Variants in FSTL5 observed in about 807,000 individuals in gnomAD.
The protein encoded by FSTL5 is follistatin like 5, also known as follistatin-related protein 5.
Under a neutral mutation model 89.1 loss-of-function variants are expected in FSTL5, and 62 were observed. The observed-to-expected ratio is 0.70, with a 90% CI of 0.57 to 0.86. The LOEUF (loss-of-function observed/expected upper bound fraction) is 0.86. Ranked by LOEUF, FSTL5 falls within the 40% of genes least tolerant of loss-of-function variation. The pLI is 0.00. For synonymous variants in FSTL5, 383 were observed against 346.2 expected (o/e 1.11, Z -1.18); for missense variants, 1,057 against 1,001.6 (o/e 1.06, Z -0.75).
chr4:161,551,672 A>C (rs1732218376), intron 8 of FSTL5, among the ~76,000 whole-genome samples: 1 of 152,002 alleles, frequency 6.6e-6, no homozygotes, highest in Non-Finnish European at 1.5e-5. Flanking sequence ...AGCCCTCAGA[A>C]ATAATGCCGC....
At chr4:161,523,896 AT>A (rs1731117491) in intron 10 of FSTL5, among the ~76,000 whole-genome samples, 1 of 152,200 alleles carries the variant, frequency 6.6e-6, no homozygotes, top group Non-Finnish European at 1.5e-5. Flanking sequence ...TATGTAAAAA[AT>A]AATTTTTACC....
At chr4:161,768,773 A>C (rs1741107062) in intron 5 of FSTL5, among the ~76,000 whole-genome samples, 1 of 151,866 alleles carries the variant, frequency 6.6e-6, no homozygotes, top group African/African-American at 2.4e-5. Context: ...ATCTTAAAGA[A>C]CTTAATGAAT....
chr4:161,644,387 G>A (rs879678047), intron 7 of FSTL5, among the ~76,000 whole-genome samples: 14 of 152,110 alleles, frequency 9.2e-5, no homozygotes, highest in Admixed American at 2.0e-4. Flanking sequence ...TTAGCTGGGT[G>A]TGGTGGCCCA....
chr4:161,937,147 A>G (rs1734455582), intron 3 of FSTL5, among the ~76,000 whole-genome samples: 1 of 152,158 alleles, frequency 6.6e-6, no homozygotes, highest in African/African-American at 2.4e-5. Context: ...ATACTGTAAA[A>G]ACACAACATA....
chr4:161,585,702 T>C (rs947960092), intron 8 of FSTL5, among the ~76,000 whole-genome samples: 1 of 151,548 alleles, frequency 6.6e-6, no homozygotes, highest in African/African-American at 2.4e-5. Flanking sequence ...AATTTCCCCA[T>C]GGATGCTGCA....
rs989432547 is a variant in FSTL5 at position 162,063,498 on chromosome 4, T to C, written c.127-29840A>G. On this transcript the variant is annotated intron_variant, in intron 2 of 15. Transcript: ENST00000306100. ...TTTGTACTGAAATGAAAGATCATGG[T>C]AAAATCCATTCTTTCAAATCTTATA... Among the ~76,000 whole-genome samples the C allele has an allele frequency of 6.2e-4, 94 of 151,848 alleles. 1 individual carries two copies. Among genetic ancestry groups the C allele is most frequent in the Non-Finnish European group, 1.9e-4 (13 of 67,836 alleles).
chr4:161,642,943 G>A (rs1736016534), intron 7 of FSTL5, among the ~76,000 whole-genome samples: 1 of 151,848 alleles, frequency 6.6e-6, no homozygotes. Flanking sequence ...ATGATGAAGT[G>A]GTAAATTTTA....
At chr4:161,387,695 A>T (rs1199776189) in intron 15 of FSTL5, 2 of 152,058 alleles carry the variant, frequency 1.3e-5, no homozygotes, top group East Asian at 3.8e-4. Context: ...TCTCAAAATC[A>T]GTCCCGTTTT....
rs150397944 is a variant in FSTL5 at position 161,854,401 on chromosome 4, G to A, written c.409+66003C>T. On this transcript the variant is annotated intron_variant, in intron 4 of 15. Coordinates refer to ENST00000306100, the MANE Select transcript of FSTL5 (RefSeq NM_020116.5). ...TATCAGTTATCTCAATGAGTATTGT[G>A]AACTACTGTGAAGTCCCTACATGAT... Among the ~76,000 whole-genome samples, 3 of 152,246 alleles carry A rather than the reference G, an allele frequency of 2.0e-5. No homozygotes were observed. The East Asian group carries it at 5.8e-4, about 29-fold the overall frequency.
chr4:161,561,183 G>C (rs985999372), intron 8 of FSTL5, among the ~76,000 whole-genome samples: 1 of 141,920 alleles, frequency 7.0e-6, no homozygotes, highest in Non-Finnish European at 1.5e-5. Context: ...GTGCATAACT[G>C]TATTTTAGAT....
At chr4:161,661,816 A>C (rs999965563) in intron 6 of FSTL5, among the ~76,000 whole-genome samples, 3 of 152,202 alleles carry the variant, frequency 2.0e-5, no homozygotes, top group Non-Finnish European at 2.9e-5. Flanking sequence ...AATGGACTGG[A>C]TAAATTGGAC....
At chr4:161,417,139 C>T (rs934275512) in intron 15 of FSTL5, among the ~76,000 whole-genome samples, 1 of 152,120 alleles carries the variant, frequency 6.6e-6, no homozygotes, top group South Asian at 2.1e-4. Context: ...GTATGCTATA[C>T]TAAAATCTCT....
chr4:161,928,574 A>G (rs1734193493), intron 3 of FSTL5, among the ~76,000 whole-genome samples: 2 of 151,750 alleles, frequency 1.3e-5, no homozygotes, highest in Non-Finnish European at 2.9e-5. Context: ...TATCCTCATC[A>G]GTAGTTAGTG....
intron 3 of FSTL5, among the ~76,000 whole-genome samples, chr4:161,921,687 A>G (rs1266408350): frequency 1.3e-5 from 2 of 152,062 alleles, no homozygotes; most frequent in African/African-American, 2.4e-5. Flanking sequence ...CCATCTCTAC[A>G]TAACAGCATC....
rs1013086689 is a variant in FSTL5, at chr4:161,716,773, T to C, written c.727+42638A>G. Among the ~76,000 whole-genome samples, 8 of 152,244 alleles carry C rather than the reference T, an allele frequency of 5.3e-5. No individual in the cohort carries two copies. In the East Asian group the frequency reaches 1.2e-3, roughly 22 times the overall value. ...ACTTTATGTATTTCATTGACTCTTTTATCCTCAGTGCCAAGTACAAACCTG... is the reference window on the plus strand; with the variant it reads ...ACTTTATGTATTTCATTGACTCTTTCATCCTCAGTGCCAAGTACAAACCTG... On this transcript the variant is annotated intron_variant, in intron 6 of 15. Coordinates refer to ENST00000306100, the MANE Select transcript of FSTL5 (RefSeq NM_020116.5).
chr4:161,874,284 A>C (rs560340689), intron 4 of FSTL5, among the ~76,000 whole-genome samples: 1 of 151,788 alleles, frequency 6.6e-6, no homozygotes, highest in Non-Finnish European at 1.5e-5. Context: ...GTTTACTTTT[A>C]CTCTTGAGAC....
At chr4:161,473,931 A>G (rs997151686) in intron 13 of FSTL5, among the ~76,000 whole-genome samples, 10 of 152,186 alleles carry the variant, frequency 6.6e-5, no homozygotes, top group African/African-American at 2.4e-4. Flanking sequence ...TGATTAAATA[A>G]TGTAAGCCAT....
intron 6 of FSTL5, among the ~76,000 whole-genome samples, chr4:161,742,847 G>C (rs1740074029): frequency 6.6e-6 from 1 of 151,944 alleles, no homozygotes; most frequent in African/African-American, 2.4e-5. Flanking sequence ...ATCTTCTTTG[G>C]CAGATGACCA....
At chr4:161,952,448 A>T (rs200106357) in intron 3 of FSTL5, among the ~76,000 whole-genome samples, 1 of 152,004 alleles carries the variant, frequency 6.6e-6, no homozygotes, top group East Asian at 1.9e-4. Context: ...ATATAATAGT[A>T]GGAAAAATAA....
Sources: gnomAD v4.1 joint callset for allele counts (sites outside exome capture counted in the v4.1 genomes callset) on GRCh38, gnomAD v4.1.1 for gene constraint, MANE v1.5 for transcripts, NCBI Gene and HGNC (gene_info 2026-07-23, HGNC 2026-07-21) for gene names.